FAM120B: variants seen among roughly 807,000 people sequenced by gnomAD.
FAM120B encodes the protein constitutive coactivator of peroxisome proliferator-activated receptor gamma.
Under a neutral mutation model 96.3 loss-of-function variants are expected in FAM120B, and 83 were observed. The observed-to-expected ratio is 0.86, with a 90% CI of 0.72 to 1.03. The LOEUF (loss-of-function observed/expected upper bound fraction) is 1.03, where lower values mean the gene tolerates loss of function less well. Ranked by LOEUF, FAM120B falls within the 50% of genes least tolerant of loss-of-function variation. FAM120B has a pLI of 0.00. For synonymous variants in FAM120B, 407 were observed against 402.7 expected (o/e 1.01, Z -0.13); for missense variants, 1,027 against 1,121.2 (o/e 0.92, Z 1.20).
At chr6:170,305,746 A>G (rs373599247), upstream of FAM120B, among the ~76,000 whole-genome samples, 1 of 152,356 alleles carries the variant, frequency 6.6e-6, no homozygotes. Context: ...CGTGCCTGCC[A>G]AAATGTTTGC....
rs1276481179 is a variant in FAM120B at position 170,330,510 on chromosome 6, G to A, written c.1977G>A (p.Arg659=). Residue 659 remains arginine, a synonymous_variant, in exon 4 of 11, where the codon AGG becomes AGA. Transcript: ENST00000476287. ...EWFVYPGNPL[R]HPDLVRPLQM... is the part of the protein sequence containing the mutation. ...TTGTGTATCCTGGGAACCCACTGAG[G>A]CACCCGGACCTCGTCAGGCCGCTGC... 6.2e-7 allele frequency: 1 copy of A among 1,614,154 alleles called. No homozygotes were observed. The highest frequency in any genetic ancestry group is 1.7e-5 in the Admixed American group (1 of 60,006).
At chr6:170,311,332 T>C (rs1398924998) in intron 1 of FAM120B, among the ~76,000 whole-genome samples, 4 of 152,254 alleles carry the variant, frequency 2.6e-5, no homozygotes, top group African/African-American at 9.6e-5. Context: ...TCTCTTCATC[T>C]TCCCTTAAAA....
In FAM120B at chr6:170,388,458, A is replaced by C. The variant is rs1451857457; in HGVS notation, c.2455A>C (p.Lys819Gln). The C allele has an allele frequency of 1.2e-6, 2 of 1,614,218 alleles. No individual in the cohort carries two copies. Among genetic ancestry groups the C allele is most frequent in the Non-Finnish European group, 1.7e-6 (2 of 1,180,030 alleles). ...LFHQKYLQSE[K>Q]GYAVEVLLEQ... ...TCATCAGAAGTACTTGCAATCTGAA[A>C]AGGGTTATGCTGTGGAGGTTCTTTT... The change falls in exon 7 of 11, where the codon AAG (lysine) becomes CAG (glutamine). Residue 819 changes from lysine (K) to glutamine (Q), a missense_variant. Around this residue, in one of 3 missense-constraint regions of FAM120B, gnomAD observed 142 missense variants for 122.5 expected, o/e 1.16. Transcript: ENST00000476287.
At chr6:170,343,711 G>C (rs900071382) in intron 4 of FAM120B, among the ~76,000 whole-genome samples, 1 of 152,076 alleles carries the variant, frequency 6.6e-6, no homozygotes, top group Non-Finnish European at 1.5e-5. Context: ...CCTACCCCTA[G>C]AATTTCTAAT....
chr6:170,381,883 C>G (rs889742631), intron 6 of FAM120B, among the ~76,000 whole-genome samples: 4 of 151,896 alleles, frequency 2.6e-5, no homozygotes, highest in Non-Finnish European at 5.9e-5. Flanking sequence ...CTACAAAAGC[C>G]CCTACAGCCA....
chr6:170,361,255 C>CACAT (rs1562567456), intron 6 of FAM120B, among the ~76,000 whole-genome samples: 1 of 50,548 alleles, frequency 2.0e-5, no homozygotes, highest in East Asian at 6.6e-4. Flanking sequence ...TATATATATA[C>CACAT]GTGTATATAT....
chr6:170,378,583 G>A (rs9366218), intron 6 of FAM120B, among the ~76,000 whole-genome samples: 46,859 of 151,976 alleles, frequency 0.31, 8,188 homozygotes, highest in East Asian at 0.79. Flanking sequence ...AACCCTTGTC[G>A]GATCTGCAGC....
chr6:170,290,853 G>T (rs1006655512), upstream of FAM120B: 3 of 653,352 alleles, frequency 4.6e-6, no homozygotes, highest in Admixed American at 4.3e-5. This position sits in a 1 kb window ranked among gnomAD's most constrained non-coding sequence, Gnocchi z 4.7. Context: ...AGGAGGCTCT[G>T]CGCCGCGGCT....
chr6:170,318,930 C>T lies in FAM120B; in HGVS notation c.1540C>T (p.Pro514Ser). The change falls in exon 2 of 11, where the codon CCT (proline) becomes TCT (serine). Residue 514 changes from proline to serine, a missense_variant. Physicochemically the swap from Pro to Ser is moderately conservative, Grantham distance 74. This residue lies in a region of FAM120B where 880 missense variants were observed against 980.9 expected (regional missense o/e 0.90). Transcript: ENST00000476287. ...ACAGGAAGTTCCCATATGTACAGAT[C>T]CTATATCCAAGCAAGAAGACTCCAT... The part of the protein sequence containing the change: ...SKQEVPICTD[P>S]ISKQEDSMCT... 6.2e-7 allele frequency: 1 copy of T among 1,614,182 alleles called. No homozygotes were observed. Among genetic ancestry groups the T allele is most frequent in the Non-Finnish European group, 8.5e-7 (1 of 1,180,024 alleles).
chr6:170,404,679 C>G, intron 10 of FAM120B, 78 bp downstream of exon 10: 1 of 1,121,832 alleles, frequency 8.9e-7, no homozygotes, highest in Non-Finnish European at 1.3e-6. Context: ...ATATCAAGTA[C>G]CAAAGTAAAC....
chr6:170,389,388 G>A (rs1790363146), intron 7 of FAM120B, among the ~76,000 whole-genome samples: 1 of 152,168 alleles, frequency 6.6e-6, no homozygotes, highest in Admixed American at 6.5e-5. Flanking sequence ...GATTAGGAGT[G>A]CTCAACCTGT....
intron 5 of FAM120B, among the ~76,000 whole-genome samples, chr6:170,352,235 A>G (rs1190695012): frequency 2.0e-5 from 3 of 152,252 alleles, no homozygotes; most frequent in Non-Finnish European, 4.4e-5. Context: ...AAGAAGAGCT[A>G]ACTATCCTAT....
At chr6:170,290,845 G>A (rs370269650), upstream of FAM120B, 2 of 641,024 alleles carry the variant, frequency 3.1e-6, no homozygotes, top group East Asian at 2.8e-5. This position sits in a 1 kb window ranked among gnomAD's most constrained non-coding sequence, Gnocchi z 4.7. Context: ...GCCGTGGGAG[G>A]AGGCTCTGCG....
chr6:170,361,182 C>CTATATATATACACATATA (rs1788336280), intron 6 of FAM120B, among the ~76,000 whole-genome samples: 1 of 75,510 alleles, frequency 1.3e-5, no homozygotes, highest in South Asian at 4.8e-4. Context: ...AGCCTTAAAA[C>CTATATATATACACATATA]TATATATATA....
intron 5 of FAM120B, among the ~76,000 whole-genome samples, chr6:170,355,032 T>C (rs1787812696): frequency 6.6e-6 from 1 of 152,168 alleles, no homozygotes; most frequent in Non-Finnish European, 1.5e-5. Flanking sequence ...TGAGATACTA[T>C]CTCATGCCAA....
At chr6:170,319,531 G>A (rs1167744943) in intron 2 of FAM120B, among the ~76,000 whole-genome samples, 1 of 152,186 alleles carries the variant, frequency 6.6e-6, no homozygotes, top group African/African-American at 2.4e-5. Context: ...AGCTGGGCAT[G>A]GTGGCGCACA....
chr6:170,350,427 T>C (rs1787498846), intron 5 of FAM120B, among the ~76,000 whole-genome samples: 1 of 152,172 alleles, frequency 6.6e-6, no homozygotes, highest in African/African-American at 2.4e-5. Flanking sequence ...CCATCTCCAG[T>C]GCAGCACATT....
intron 4 of FAM120B, among the ~76,000 whole-genome samples, chr6:170,347,645 C>A (rs1787278069): frequency 6.6e-6 from 1 of 152,212 alleles, no homozygotes; most frequent in South Asian, 2.1e-4. Context: ...GGCACCCATA[C>A]CTGTCTAATC....
In FAM120B at chr6:170,318,687, C is replaced by G. The variant is rs6934830; in HGVS notation, c.1297C>G (p.Pro433Ala). Residue 433 changes from proline to alanine, a missense_variant, in exon 2 of 11, where the codon CCC becomes GCC. Around this residue, in one of 3 missense-constraint regions of FAM120B, gnomAD observed 880 missense variants for 980.9 expected, o/e 0.90. Coordinates refer to ENST00000476287, the MANE Select transcript of FAM120B (RefSeq NM_032448.3). ...QEVPMYTDSE[P>A]RQEVPMYTDS... ...AGTTCCCATGTATACAGACTCTGAA[C>G]CCAGGCAAGAAGTTCCCATGTATAC... 2,513 of 1,547,296 alleles carry G rather than the reference C, an allele frequency of 1.6e-3. 69 individuals are homozygous for G. In the African/African-American group the frequency reaches 0.033, roughly 20 times the overall value.
Sources: gnomAD v4.1 joint callset for allele counts (sites outside exome capture counted in the v4.1 genomes callset) on GRCh38, gnomAD v4.1.1 for gene constraint, gnomAD v4.1.1 regional missense constraint, Gnocchi (gnomAD v3.1) non-coding constraint, MANE v1.5 for transcripts, NCBI Gene and HGNC (gene_info 2026-07-23, HGNC 2026-07-21) for gene names.